The following NSD3 variants were observed in gnomAD, a reference collection of about 807,000 sequenced individuals.
NSD3 encodes the protein nuclear receptor binding SET domain protein 3.
A neutral mutation model predicts 160.8 loss-of-function variants in NSD3; 24 were observed. That is an observed-to-expected ratio of 0.15 (90% CI 0.11 to 0.21). NSD3 has a LOEUF of 0.21. NSD3 is among the 10% of genes least tolerant of loss of function. NSD3 has a pLI of 1.00. For synonymous variants in NSD3, 520 were observed against 600.0 expected (o/e 0.87, Z 1.95); for missense variants, 1,157 against 1,735.9 (o/e 0.67, Z 5.93).
intron 1 of NSD3, among the ~76,000 whole-genome samples, chr8:38,357,803 T>G (rs895769247): frequency 3.3e-5 from 5 of 152,174 alleles, no homozygotes; most frequent in Non-Finnish European, 5.9e-5. Flanking sequence ...CTTAAAGAAG[T>G]TATTTTATAT....
rs112937593 is a variant in NSD3, at chr8:38,272,117, A to G, written c.*3524T>C. On this transcript the variant is annotated 3_prime_UTR_variant, in exon 24 of 24. Transcript: ENST00000317025. ...GGTCCTTTACATGATTAGATACTCA[A>G]TATCTCAGTTCCACAACGTTATTTA... is the stretch of plus-strand genomic sequence containing the variant. 5.9e-3 allele frequency: 892 copies of G among 152,324 alleles called. 6 individuals are homozygous for G. The highest frequency in any genetic ancestry group is 0.019 in the African/African-American group (804 of 41,564). 9.4% of individuals were successfully genotyped at this position (152,324 alleles called of 1,614,324 possible).
rs1352046796 is a variant in NSD3 at position 38,346,569 on chromosome 8, T to C, written c.675+928A>G. On this transcript the variant is annotated intron_variant, in intron 2 of 23. Transcript: ENST00000317025. ...CAGTAGGAGGAGCATTTCACCAACATTTGTTAATGAATAAATAAGAAAACT... is the reference window on the plus strand; with the variant it reads ...CAGTAGGAGGAGCATTTCACCAACACTTGTTAATGAATAAATAAGAAAACT... Among the ~76,000 whole-genome samples the C allele has an allele frequency of 8.6e-5, 13 of 151,920 alleles. 1 individual carries two copies. In the East Asian group the frequency reaches 1.9e-3, roughly 23 times the overall value.
rs544315922 is a variant in NSD3 at position 38,311,929 on chromosome 8, A to C, written c.2242+2718T>G. ...CAAGAGTTTTATAGGTTTAGCTCTT[A>C]CATCTTTGTCTTTGATTCATCTTGA... On this transcript the variant is annotated intron_variant, in intron 12 of 23. Transcript: ENST00000317025. Among the ~76,000 whole-genome samples, 239 of 152,310 alleles carry C rather than the reference A, an allele frequency of 1.6e-3. 8 individuals are homozygous for C. The South Asian group carries it at 0.048, about 31-fold the overall frequency.
intron 2 of NSD3, among the ~76,000 whole-genome samples, chr8:38,339,916 T>C (rs978389777): frequency 6.6e-6 from 1 of 152,148 alleles, no homozygotes; most frequent in Non-Finnish European, 1.5e-5. Flanking sequence ...TTCATGTCAG[T>C]AATCTGCATG....
chr8:38,305,146 C>T (rs1257441126), intron 13 of NSD3, 102 bp downstream of exon 13: 1 of 1,185,644 alleles, frequency 8.4e-7, no homozygotes, highest in Non-Finnish European at 1.2e-6. Flanking sequence ...TAGAGATACA[C>T]AGAAGAAGAA....
At position 38,338,656 on chromosome 8, in the gene NSD3, A is replaced by G. The variant is rs375716671; in HGVS notation, c.676-49T>C. ...TAGAATAAAATGGCATTAAATAAAC[A>G]AACAAACAAAAAACAGTGACATACA... On this transcript the variant is annotated intron_variant, in intron 2 of 23. Coordinates refer to ENST00000317025, the MANE Select transcript of NSD3 (RefSeq NM_023034.2). 88 of 1,415,920 alleles carry G rather than the reference A, an allele frequency of 6.2e-5. 1 individual carries two copies. In the African/African-American group the frequency reaches 1.1e-3, roughly 18 times the overall value. The allele number at this position is 1,415,920 out of a possible 1,614,324, so 87.7% of individuals were successfully genotyped here.
At chr8:38,302,315 A>C (rs1035940158) in intron 14 of NSD3, among the ~76,000 whole-genome samples, 1 of 152,270 alleles carries the variant, frequency 6.6e-6, no homozygotes, top group African/African-American at 2.4e-5. Flanking sequence ...CTTTATAAAT[A>C]CTTATAAAAG....
At chr8:38,281,767 GAAGGTGAC>G (rs1272970368) in intron 19 of NSD3, among the ~76,000 whole-genome samples, 184 bp from the exon 20 acceptor site, 1 of 152,226 alleles carries the variant, frequency 6.6e-6, no homozygotes, top group Non-Finnish European at 1.5e-5. Context: ...AAGTGCCTCA[GAAGGTGAC>G]AATCTGCTTG....
Position 38,326,992 on chromosome 8 carries a change from CTT to C in NSD3, c.1582-138_1582-137del, listed in dbSNP as rs1351944707. 3 of 915,612 alleles carry C rather than the reference CTT, an allele frequency of 3.3e-6. No individual in the cohort carries two copies. The African/African-American group carries it at 5.1e-5, about 16-fold the overall frequency. The allele number at this position is 915,612 out of a possible 1,614,324, so 56.7% of individuals were successfully genotyped here. On this transcript the variant is annotated intron_variant, in intron 6 of 23. Transcript: ENST00000317025. ...TGGTCTTTGATTGCAATTAAGTTAT[CTT>C]AGCCTTTATCAGAAATTTGATTAAG... is the stretch of plus-strand genomic sequence containing the variant.
rs1043152425 is a variant in NSD3, at chr8:38,288,910, CTT to C, written c.3232-156_3232-155del. The stretch of plus-strand genomic sequence containing the variant: ...AATAAGCTGAGATTAATAACCATCT[CTT>C]TTGTCATTTAGTTGACAAAAATATC... On this transcript the variant is annotated intron_variant, in intron 18 of 23. Coordinates refer to ENST00000317025, the MANE Select transcript of NSD3 (RefSeq NM_023034.2). This position sits in a 1 kb window ranked among gnomAD's most constrained non-coding sequence, Gnocchi z 4.5. Among the ~76,000 whole-genome samples, 6 of 152,270 alleles carry C rather than the reference CTT, an allele frequency of 3.9e-5. No individual in the cohort carries two copies. Among genetic ancestry groups the C allele is most frequent in the African/African-American group, 1.4e-4 (6 of 41,558 alleles).
At chr8:38,361,033 A>T (rs1810947737) in intron 1 of NSD3, among the ~76,000 whole-genome samples, 1 of 150,578 alleles carries the variant, frequency 6.6e-6, no homozygotes, top group Non-Finnish European at 1.5e-5. Flanking sequence ...AGGAGAAATA[A>T]TTTTTTTTTT....
In NSD3 at chr8:38,278,391, T is replaced by C; in HGVS notation, c.3782A>G (p.Tyr1261Cys). ...IPAGMELTFN[Y>C]NLDCLGNGRT... ...GCCGTTGCCCAGACAATCTAGGTTA[T>C]AATTAAATGTTAACTCCATCCCTGA... Residue 1261 changes from tyrosine (Y) to cysteine (C), a missense_variant, in exon 22 of 24, where the codon TAT becomes TGT. Physicochemically the swap from Tyr to Cys is radical, Grantham distance 194. Transcript: ENST00000317025. 6.2e-7 allele frequency: 1 copy of C among 1,613,570 alleles called. No individual in the cohort carries two copies. The highest frequency in any genetic ancestry group is 8.5e-7 in the Non-Finnish European group (1 of 1,179,774).
chr8:38,305,931 T>C (rs1300433454), intron 12 of NSD3, among the ~76,000 whole-genome samples: 1 of 151,796 alleles, frequency 6.6e-6, no homozygotes, highest in African/African-American at 2.4e-5. Flanking sequence ...ATTCAAATTA[T>C]CCACAAAAAA....
chr8:38,335,400 A>G (rs1406089300), intron 4 of NSD3, among the ~76,000 whole-genome samples: 1 of 152,242 alleles, frequency 6.6e-6, no homozygotes, highest in African/African-American at 2.4e-5. Context: ...GCAGGTTTTC[A>G]TAAAGTAATT....
intron 14 of NSD3, chr8:38,299,919 C>A: frequency 5.0e-6 from 1 of 201,744 alleles, no homozygotes; most frequent in Non-Finnish European, 9.9e-6. Flanking sequence ...TTTGGATGTA[C>A]AATGACGACA....
chr8:38,276,567 A>G, intron 22 of NSD3, 67 bp from the exon 23 acceptor site: 2 of 1,540,980 alleles, frequency 1.3e-6, no homozygotes, highest in Non-Finnish European at 1.8e-6. Context: ...ACACAGGAAA[A>G]CCCTGCAACC....
chr8:38,314,495 G>T, intron 12 of NSD3, 152 bp downstream of exon 12: 2 of 1,201,892 alleles, frequency 1.7e-6, no homozygotes, highest in Non-Finnish European at 2.2e-6. Flanking sequence ...AAATCTTGAA[G>T]CCAAATCTTA....
chr8:38,314,424 T>C (rs996068242), intron 12 of NSD3, among the ~76,000 whole-genome samples: 2 of 152,210 alleles, frequency 1.3e-5, no homozygotes, highest in Admixed American at 6.5e-5. Context: ...CAAATTCATC[T>C]TGGTAATTTG....
At position 38,311,661 on chromosome 8, in the gene NSD3, G is replaced by A. The variant is rs186645833; in HGVS notation, c.2242+2986C>T. Among the ~76,000 whole-genome samples, 251 of 152,144 alleles carry A rather than the reference G, an allele frequency of 1.6e-3. 1 individual carries two copies. The highest frequency in any genetic ancestry group is 1.1e-3 in the Non-Finnish European group (72 of 67,990). On this transcript the variant is annotated intron_variant, in intron 12 of 23. Coordinates refer to ENST00000317025, the MANE Select transcript of NSD3 (RefSeq NM_023034.2). The stretch of plus-strand genomic sequence containing the variant: ...AGTTTTTTATTGCTGAGTTGAAGGC[G>A]TTCTCTATATATTCTGGGTATTAAT...
Sources: allele counts gnomAD v4.1 joint callset (sites outside exome capture counted in the v4.1 genomes callset), GRCh38; gene constraint gnomAD v4.1.1; non-coding constraint Gnocchi (gnomAD v3.1); transcripts MANE v1.5; gene names NCBI Gene and HGNC (gene_info 2026-07-23, HGNC 2026-07-21).